Variants in TES observed in about 807,000 individuals in gnomAD.
The protein encoded by TES is testin.
TES carries 41 observed loss-of-function variants against 48.2 expected under a neutral mutation model. The observed-to-expected ratio is 0.85, with a 90% CI of 0.66 to 1.10. The LOEUF is 1.10. TES is among the 50% of genes least tolerant of loss of function. The pLI is 0.00. For missense variants in TES, 463 were observed against 515.1 expected (o/e 0.90, Z 0.98); for synonymous variants, 162 against 174.9 (o/e 0.93, Z 0.58).
intron 6 of TES, among the ~76,000 whole-genome samples, chr7:116,256,016 G>A (rs1417985204): frequency 1.3e-5 from 2 of 152,178 alleles, no homozygotes; most frequent in South Asian, 2.1e-4. Flanking sequence ...CTGCACATTA[G>A]AAATGTGCTT....
chr7:116,229,204 C>G (rs371920220), intron 1 of TES, among the ~76,000 whole-genome samples: 1 of 151,778 alleles, frequency 6.6e-6, no homozygotes, highest in Admixed American at 6.6e-5. Context: ...CACTCTCTCT[C>G]GCACCCTGGG....
intron 2 of TES, among the ~76,000 whole-genome samples, chr7:116,246,874 ATG>A (rs770079016): frequency 1.7e-5 from 2 of 118,526 alleles, no homozygotes; most frequent in African/African-American, 3.3e-5. Context: ...TTCTCTGTGT[ATG>A]TGTGTGTGTG....
chr7:116,222,595 G>A (rs1459486731), intron 1 of TES, among the ~76,000 whole-genome samples: 4 of 152,074 alleles, frequency 2.6e-5, no homozygotes, highest in South Asian at 4.1e-4. Flanking sequence ...TTTAGGCATC[G>A]CAAGAATGAT....
intron 1 of TES, among the ~76,000 whole-genome samples, chr7:116,225,340 T>A (rs1037152394): frequency 1.3e-5 from 2 of 152,038 alleles, no homozygotes; most frequent in Non-Finnish European, 2.9e-5. Context: ...AGTAGAGAAA[T>A]TGTCTTGATG....
At chr7:116,227,810 A>G (rs980122236) in intron 1 of TES, among the ~76,000 whole-genome samples, 3 of 152,132 alleles carry the variant, frequency 2.0e-5, no homozygotes, top group Non-Finnish European at 4.4e-5. Flanking sequence ...CTTCATTCCA[A>G]TATTATTAAA....
At chr7:116,257,171 G>A in intron 6 of TES, 123 bp from the exon 7 acceptor site, 1 of 1,060,822 alleles carries the variant, frequency 9.4e-7, no homozygotes. Context: ...ACCCTCCATT[G>A]TGTATTTCTG....
intron 6 of TES, among the ~76,000 whole-genome samples, chr7:116,253,627 C>T (rs535273089): frequency 2.6e-5 from 4 of 152,302 alleles, no homozygotes; most frequent in African/African-American, 7.2e-5. Flanking sequence ...CATTTCCACA[C>T]GTTCACCATC....
intron 1 of TES, among the ~76,000 whole-genome samples, chr7:116,222,380 TG>T (rs1427206442): frequency 1.3e-5 from 2 of 152,312 alleles, no homozygotes; most frequent in African/African-American, 4.8e-5. Flanking sequence ...CCTCCTTCAG[TG>T]AAGCCCTCAG....
Position 116,251,896 on chromosome 7 carries a change from A to C in TES, c.839A>C (p.Tyr280Ser). ...TCHELLVDMI[Y>S]FWKNEKLYCG... ...CATGAACTCCTGGTTGACATGATTT[A>C]TTTTTGGAAGAATGAGAAGCTATAC... The change falls in exon 5 of 7, where the codon TAT (tyrosine) becomes TCT (serine). Residue 280 changes from tyrosine (Y) to serine (S), a missense_variant. Physicochemically the swap from Tyr to Ser is moderately radical, Grantham distance 144. Coordinates refer to ENST00000358204, the MANE Select transcript of TES (RefSeq NM_015641.4). The C allele has an allele frequency of 6.2e-7, 1 of 1,614,096 alleles. No individual in the cohort carries two copies. The highest frequency in any genetic ancestry group is 8.5e-7 in the Non-Finnish European group (1 of 1,180,024).
intron 1 of TES, among the ~76,000 whole-genome samples, chr7:116,225,823 A>G (rs764577393): frequency 3.3e-5 from 5 of 152,212 alleles, no homozygotes; most frequent in Non-Finnish European, 7.3e-5. Context: ...TCTATTTTTA[A>G]AACTGATTTA....
chr7:116,247,721 G>A (rs1353897217), intron 2 of TES, among the ~76,000 whole-genome samples: 5 of 152,138 alleles, frequency 3.3e-5, no homozygotes, highest in East Asian at 1.9e-4. Flanking sequence ...CAGTTGAAAC[G>A]TTATGGTACC....
At chr7:116,249,311 C>A in intron 3 of TES, 39 bp downstream of exon 3, 2 of 1,611,428 alleles carry the variant, frequency 1.2e-6, no homozygotes, top group South Asian at 2.2e-5. Context: ...TATTGAAGTT[C>A]CTGGAGTATT....
chr7:116,231,735 A>G (rs1022204371), intron 1 of TES, among the ~76,000 whole-genome samples: 8 of 152,200 alleles, frequency 5.3e-5, no homozygotes, highest in African/African-American at 1.9e-4. Flanking sequence ...CAGGTGTCAG[A>G]GAGAATAGAT....
At chr7:116,225,260 A>G (rs948703162) in intron 1 of TES, among the ~76,000 whole-genome samples, 3 of 151,874 alleles carry the variant, frequency 2.0e-5, no homozygotes, top group African/African-American at 4.8e-5. Flanking sequence ...TTCTTCAAAT[A>G]TGTTACTGTA....
Position 116,250,116 on chromosome 7 carries a change from G to A in TES, c.367-45G>A, listed in dbSNP as rs780035436. 4 of 1,469,284 alleles carry A rather than the reference G, an allele frequency of 2.7e-6. No individual in the cohort carries two copies. The Admixed American group carries it at 7.6e-5, about 28-fold the overall frequency. 91.0% of individuals were successfully genotyped at this position (1,469,284 alleles called of 1,614,324 possible). A position where few individuals can be genotyped will look rare whatever the true frequency, so the allele number is the denominator to read the frequency against. On this transcript the variant is annotated intron_variant, in intron 3 of 6. Transcript: ENST00000358204. ...GATGTGTGTTATGAAACATCACACT[G>A]CCTAATGGCCAATCCCAGTTAACAT...
chr7:116,214,510 G>T (rs1332715075), intron 1 of TES, among the ~76,000 whole-genome samples: 1 of 152,134 alleles, frequency 6.6e-6, no homozygotes, highest in Non-Finnish European at 1.5e-5. Context: ...TGCTTTAGAG[G>T]TGTTCTGCCT....
At chr7:116,246,364 G>A (rs1337699322) in intron 2 of TES, among the ~76,000 whole-genome samples, 1 of 152,228 alleles carries the variant, frequency 6.6e-6, no homozygotes, top group Non-Finnish European at 1.5e-5. Flanking sequence ...CCTATTGCCA[G>A]TTATGTTTCA....
At chr7:116,250,131 C>A in intron 3 of TES, 30 bp from the exon 4 acceptor site, 1 of 1,482,654 alleles carries the variant, frequency 6.7e-7, no homozygotes, top group Non-Finnish European at 9.0e-7. Flanking sequence ...ATGGCCAATC[C>A]CAGTTAACAT....
chr7:116,235,698 C>A (rs937309042), intron 2 of TES, among the ~76,000 whole-genome samples: 6 of 152,106 alleles, frequency 3.9e-5, no homozygotes, highest in African/African-American at 1.4e-4. Flanking sequence ...ATAAAGATAA[C>A]TATACAGTTT....
Sources: allele counts gnomAD v4.1 joint callset (sites outside exome capture counted in the v4.1 genomes callset), GRCh38; gene constraint gnomAD v4.1.1; transcripts MANE v1.5; gene names NCBI Gene and HGNC (gene_info 2026-07-23, HGNC 2026-07-21).